SYNE2: variants seen among roughly 807,000 people sequenced by gnomAD.
SYNE2 encodes nesprin-2.
In SYNE2, 431 loss-of-function variants were observed where a neutral mutation model predicts 856.3. The observed-to-expected ratio is 0.50, with a 90% CI of 0.47 to 0.55. The LOEUF (loss-of-function observed/expected upper bound fraction) is 0.55. Ranked by LOEUF, SYNE2 falls within the 20% of genes least tolerant of loss-of-function variation. SYNE2 has a pLI of 0.00. For missense variants in SYNE2, 8,129 were observed against 8,023.2 expected (o/e 1.01, Z -0.50); for synonymous variants, 2,923 against 2,872.3 (o/e 1.02, Z -0.56).
intron 100 of SYNE2, chr14:64,207,934 C>G (rs1043613168): frequency 4.2e-5 from 19 of 451,276 alleles, no homozygotes; most frequent in Admixed American, 2.4e-4. Flanking sequence ...AAAACAGGTT[C>G]CTTATCTCTC....
chr14:63,799,805 C>A (rs1888061119), intron 1 of SYNE2, among the ~76,000 whole-genome samples: 1 of 152,182 alleles, frequency 6.6e-6, no homozygotes, highest in African/African-American at 2.4e-5. Flanking sequence ...CAGTGTCGCA[C>A]TTGAAAAATG....
chr14:63,797,412 G>C (rs1165208291), intron 1 of SYNE2, among the ~76,000 whole-genome samples: 1 of 151,910 alleles, frequency 6.6e-6, no homozygotes, highest in Non-Finnish European at 1.5e-5. Flanking sequence ...AATAATAATT[G>C]AGATTTGGTC....
intron 1 of SYNE2, among the ~76,000 whole-genome samples, chr14:63,788,898 A>C (rs1487799873): frequency 6.6e-6 from 1 of 152,226 alleles, no homozygotes; most frequent in African/African-American, 2.4e-5. Context: ...TATCAAAGAG[A>C]TATCTGCACT....
At chr14:64,089,332 C>T (rs1415972987) in intron 58 of SYNE2, among the ~76,000 whole-genome samples, 3 of 124,872 alleles carry the variant, frequency 2.4e-5, no homozygotes, top group East Asian at 2.6e-4. Context: ...CGACATTGCA[C>T]TCCAGCCTGG....
At chr14:64,127,036 G>A (rs1054206840) in intron 73 of SYNE2, among the ~76,000 whole-genome samples, 1 of 152,050 alleles carries the variant, frequency 6.6e-6, no homozygotes, top group African/African-American at 2.4e-5. Context: ...CAAGGCAGGC[G>A]GATCACCTGA....
intron 1 of SYNE2, among the ~76,000 whole-genome samples, chr14:63,859,465 C>T (rs1892899040): frequency 6.6e-6 from 1 of 151,902 alleles, no homozygotes; most frequent in African/African-American, 2.4e-5. Flanking sequence ...CTCAGTACTA[C>T]TTTAGTGACA....
intron 1 of SYNE2, among the ~76,000 whole-genome samples, chr14:63,825,523 C>T (rs1889394589): frequency 6.6e-6 from 1 of 151,918 alleles, no homozygotes; most frequent in African/African-American, 2.4e-5. Flanking sequence ...AACTAATTAC[C>T]AATAGATTTA....
At chr14:63,834,437 G>C (rs12889504) in intron 1 of SYNE2, among the ~76,000 whole-genome samples, 8,511 of 152,094 alleles carry the variant, frequency 0.056, 263 homozygotes, top group Middle Eastern at 0.099. Flanking sequence ...TCTTCAGACT[G>C]ATTTAGTAAT....
intron 60 of SYNE2, among the ~76,000 whole-genome samples, chr14:64,091,793 TCC>T (rs1166103304): frequency 2.6e-5 from 4 of 152,204 alleles, no homozygotes. Flanking sequence ...TGCACAGACT[TCC>T]AACCGTCTCC....
upstream of SYNE2, among the ~76,000 whole-genome samples, chr14:63,851,105 GT>G (rs1890407123): frequency 6.6e-6 from 1 of 152,200 alleles, no homozygotes; most frequent in Admixed American, 6.5e-5. Flanking sequence ...GCTCATGCCT[GT>G]AATCCCAGCG....
chr14:64,137,000 A>G (rs1170464142), intron 78 of SYNE2, among the ~76,000 whole-genome samples: 1 of 152,130 alleles, frequency 6.6e-6, no homozygotes, highest in East Asian at 1.9e-4. Flanking sequence ...TGAGATGCAG[A>G]CCAACAATTG....
Position 63,942,030 on chromosome 14 carries a change from C to T in SYNE2, c.316-21C>T, listed in dbSNP as rs78235927. ...GCTCTGGGATATTTCCTCCTTTTAACCTGCACTTTTTGTTTTCCAGATTAA... is the reference window on the plus strand; with the variant it reads ...GCTCTGGGATATTTCCTCCTTTTAATCTGCACTTTTTGTTTTCCAGATTAA... On this transcript the variant is annotated intron_variant, in intron 5 of 115. Coordinates refer to ENST00000555002, the MANE Select transcript of SYNE2 (RefSeq NM_182914.3). 9,989 of 1,598,156 alleles carry T rather than the reference C, an allele frequency of 6.3e-3. 564 individuals are homozygous for T. In the African/African-American group the frequency reaches 0.12, roughly 19 times the overall value.
At chr14:64,108,617 G>A (rs986495779) in intron 65 of SYNE2, among the ~76,000 whole-genome samples, 2 of 151,924 alleles carry the variant, frequency 1.3e-5, no homozygotes, top group African/African-American at 2.4e-5. Flanking sequence ...TTTAATTATT[G>A]CATCTCTTTT....
At chr14:64,062,577 C>G (rs1474014019) in intron 49 of SYNE2, among the ~76,000 whole-genome samples, 174 bp from the exon 50 acceptor site, 3 of 152,090 alleles carry the variant, frequency 2.0e-5, no homozygotes, top group Non-Finnish European at 2.9e-5. Context: ...TATGCAGGTC[C>G]CTTTGGGAAT....
intron 1 of SYNE2, among the ~76,000 whole-genome samples, chr14:63,842,186 G>A (rs983083361): frequency 8.0e-5 from 12 of 149,922 alleles, no homozygotes; most frequent in African/African-American, 1.5e-4. Context: ...TGTTGTTGTC[G>A]TTTTGAGACA....
chr14:63,867,613 G>A (rs1011745565), intron 1 of SYNE2, among the ~76,000 whole-genome samples: 2 of 152,072 alleles, frequency 1.3e-5, no homozygotes, highest in African/African-American at 4.8e-5. Flanking sequence ...CAGGAGAATC[G>A]CTTGAACCCA....
At chr14:63,786,006 T>G (rs1334859048) in intron 1 of SYNE2, among the ~76,000 whole-genome samples, 2 of 152,036 alleles carry the variant, frequency 1.3e-5, no homozygotes, top group Non-Finnish European at 2.9e-5. Context: ...ATCCCAGCAC[T>G]TTGGGAGGCT....
chr14:63,995,228 T>C, intron 23 of SYNE2, 26 bp downstream of exon 23: 1 of 1,593,240 alleles, frequency 6.3e-7, no homozygotes, highest in Non-Finnish European at 8.6e-7. Flanking sequence ...TCCACTTAAA[T>C]TTTGTCATCA....
chr14:63,941,504 A>G (rs2095915655), intron 3 of SYNE2, among the ~76,000 whole-genome samples, 191 bp from the exon 4 acceptor site: 2 of 152,362 alleles, frequency 1.3e-5, no homozygotes, highest in East Asian at 1.9e-4. Flanking sequence ...GAAATTAGCC[A>G]TAAGATAAAT....
Sources: allele counts gnomAD v4.1 joint callset (sites outside exome capture counted in the v4.1 genomes callset), GRCh38; gene constraint gnomAD v4.1.1; transcripts MANE v1.5; gene names NCBI Gene and HGNC (gene_info 2026-07-23, HGNC 2026-07-21).